CHN1: variants seen among roughly 807,000 people sequenced by gnomAD.
The protein encoded by CHN1 is chimerin 1.
In CHN1, 37 loss-of-function variants were observed where a neutral mutation model predicts 59.5. The ratio of observed to expected loss-of-function variants is 0.62; its 90% confidence interval spans 0.48 to 0.82. The LOEUF (loss-of-function observed/expected upper bound fraction) is 0.82. Ranked by LOEUF, CHN1 falls within the 40% of genes least tolerant of loss-of-function variation. The pLI is 0.00. For synonymous variants in CHN1, 206 were observed against 200.4 expected, an observed-to-expected ratio of 1.03 and a Z score of -0.24; for missense variants, 469 against 571.0, an observed-to-expected ratio of 0.82 and a Z score of 1.82.
intron 8 of CHN1, among the ~76,000 whole-genome samples, chr2:174,821,484 C>A (rs901781404): frequency 1.3e-5 from 2 of 152,070 alleles, no homozygotes; most frequent in African/African-American, 4.8e-5. Flanking sequence ...TGAAAGTGTC[C>A]CCTCAAAAAT....
At chr2:174,941,515 T>G (rs1280401423) in intron 3 of CHN1, among the ~76,000 whole-genome samples, 1 of 152,216 alleles carries the variant, frequency 6.6e-6, no homozygotes, top group East Asian at 1.9e-4. Context: ...CCTAATCCAG[T>G]AAAATTATTT....
At chr2:174,860,656 TAATA>T (rs1412830972) in intron 6 of CHN1, among the ~76,000 whole-genome samples, 7 of 152,216 alleles carry the variant, frequency 4.6e-5, no homozygotes, top group Admixed American at 6.5e-5. Flanking sequence ...AATACATATT[TAATA>T]AATAAATTGT....
chr2:174,964,343 A>T (rs1453618751), intron 1 of CHN1, among the ~76,000 whole-genome samples: 1 of 152,216 alleles, frequency 6.6e-6, no homozygotes, highest in Non-Finnish European at 1.5e-5. Flanking sequence ...TCTCTCCTAG[A>T]ACCAGGAGGA....
intron 3 of CHN1, among the ~76,000 whole-genome samples, chr2:174,921,972 T>A (rs2105377206): frequency 6.6e-6 from 1 of 152,320 alleles, no homozygotes; most frequent in African/African-American, 2.4e-5. Flanking sequence ...ATGAATCTTC[T>A]GTTATCTGTG....
At position 174,799,746 on chromosome 2, in the gene CHN1, C is replaced by T. The variant is rs899675489; in HGVS notation, c.*370G>A. The T allele has an allele frequency of 1.9e-6, 1 of 537,862 alleles. No homozygotes were observed. The highest frequency in any genetic ancestry group is 1.5e-5 in the South Asian group (1 of 65,204). The allele number at this position is 537,862 out of a possible 1,614,324, so 33.3% of individuals were successfully genotyped here. A position where few individuals can be genotyped will look rare whatever the true frequency, so the allele number is the denominator to read the frequency against. On this transcript the variant is annotated 3_prime_UTR_variant, in exon 13 of 13. Coordinates refer to ENST00000409900, the MANE Select transcript of CHN1 (RefSeq NM_001822.7). ...GACATAGACCCCAAAAGCAAAGTCACAACAGGCTTACTCTGTGAAACATGC... is the reference window on the plus strand; with the variant it reads ...GACATAGACCCCAAAAGCAAAGTCATAACAGGCTTACTCTGTGAAACATGC...
At chr2:174,916,377 A>T (rs1399876693) in intron 4 of CHN1, among the ~76,000 whole-genome samples, 1 of 152,062 alleles carries the variant, frequency 6.6e-6, no homozygotes, top group Non-Finnish European at 1.5e-5. Context: ...CTCTCCTGTT[A>T]ATCTGCCTAT....
Position 175,005,133 on chromosome 2 carries a change from G to C in CHN1, c.-221C>G. The C allele has an allele frequency of 7.7e-7, 1 of 1,305,882 alleles. No homozygotes were observed. The highest frequency in any genetic ancestry group is 1.8e-5 in the South Asian group (1 of 55,184). 80.9% of individuals were successfully genotyped at this position (1,305,882 alleles called of 1,614,324 possible). A position where few individuals can be genotyped will look rare whatever the true frequency, so the allele number is the denominator to read the frequency against. ...TTGTCGGGCGCACCGGGCCCAGGGA[G>C]CCCCGCTAGCTCTCCGCGAGCCGGC... On this transcript the variant is annotated 5_prime_UTR_variant, in exon 1 of 13. Transcript: ENST00000409900.
chr2:174,948,698 AATC>A (rs1424194032), intron 2 of CHN1, among the ~76,000 whole-genome samples: 3 of 152,198 alleles, frequency 2.0e-5, no homozygotes, highest in Non-Finnish European at 4.4e-5. Context: ...CATTAAATTA[AATC>A]ATCTTGTTTA....
At chr2:174,976,969 G>A (rs1454039312) in intron 1 of CHN1, among the ~76,000 whole-genome samples, 1 of 152,174 alleles carries the variant, frequency 6.6e-6, no homozygotes, top group Non-Finnish European at 1.5e-5. Context: ...CCAGCATCTT[G>A]CTGCAATAAA....
intron 1 of CHN1, among the ~76,000 whole-genome samples, chr2:174,978,637 T>C (rs1251757937): frequency 2.6e-5 from 4 of 152,232 alleles, no homozygotes; most frequent in African/African-American, 9.6e-5. Flanking sequence ...CAAATGCATC[T>C]CTAATCAATT....
chr2:174,846,384 A>G (rs1443545180), intron 7 of CHN1: 8 of 1,547,056 alleles, frequency 5.2e-6, no homozygotes, highest in Non-Finnish European at 7.0e-6. Context: ...GTCCCATGGT[A>G]GCCATCCTCC....
At chr2:174,878,656 C>A (rs1687646096) in intron 5 of CHN1, among the ~76,000 whole-genome samples, 1 of 152,242 alleles carries the variant, frequency 6.6e-6, no homozygotes, top group Non-Finnish European at 1.5e-5. Context: ...CTGAGCCATG[C>A]AGGGCAGGAT....
At chr2:174,967,151 C>T (rs539304399) in intron 1 of CHN1, among the ~76,000 whole-genome samples, 1 of 152,114 alleles carries the variant, frequency 6.6e-6, no homozygotes, top group East Asian at 1.9e-4. Flanking sequence ...CAAGACCAGC[C>T]TGGGCAATGT....
chr2:174,859,536 C>T (rs1170826863), intron 6 of CHN1, among the ~76,000 whole-genome samples: 5 of 152,158 alleles, frequency 3.3e-5, no homozygotes, highest in African/African-American at 1.2e-4. Flanking sequence ...AAAAAGAAAT[C>T]CAGGCACACT....
At position 174,955,634 on chromosome 2, in the gene CHN1, A is replaced by C. The variant is rs188098492; in HGVS notation, c.20-3432T>G. ...CACCTAAAAATCTATAGAAATAAAT[A>C]AATAAATTGAAAAACAAACAAATGA... On this transcript the variant is annotated intron_variant, in intron 1 of 12. Coordinates refer to ENST00000409900, the MANE Select transcript of CHN1 (RefSeq NM_001822.7). Among the ~76,000 whole-genome samples, 16 of 152,280 alleles carry C rather than the reference A, an allele frequency of 1.1e-4. No individual in the cohort carries two copies. In the East Asian group the frequency reaches 2.9e-3, roughly 28 times the overall value.
chr2:174,844,816 C>G (rs765783717), intron 7 of CHN1, among the ~76,000 whole-genome samples: 23 of 152,110 alleles, frequency 1.5e-4, no homozygotes, highest in Admixed American at 4.6e-4. Flanking sequence ...AGATTTCTGA[C>G]CTTATTAGCA....
In CHN1 at chr2:174,959,525, C is replaced by A. The variant is rs147560517; in HGVS notation, c.20-7323G>T. The stretch of plus-strand genomic sequence containing the variant: ...AGGCAGGAGGACCAATTTTCCAGGA[C>A]GCTAAATCTTCCTGAAAAGGAAGAA... On this transcript the variant is annotated intron_variant, in intron 1 of 12. Coordinates refer to ENST00000409900, the MANE Select transcript of CHN1 (RefSeq NM_001822.7). 7.0e-3 allele frequency among the ~76,000 whole-genome samples: 1,071 copies of A among 152,242 alleles called. 12 individuals are homozygous for A. Among genetic ancestry groups the A allele is most frequent in the African/African-American group, 0.024 (1,001 of 41,530 alleles).
chr2:174,935,832 C>A, intron 3 of CHN1, among the ~76,000 whole-genome samples: 1 of 152,046 alleles, frequency 6.6e-6, no homozygotes, highest in East Asian at 1.9e-4. Flanking sequence ...ACTCAGGAGG[C>A]TGAGGTAGAA....
At chr2:174,987,701 T>C (rs1407598913) in intron 1 of CHN1, among the ~76,000 whole-genome samples, 1 of 152,226 alleles carries the variant, frequency 6.6e-6, no homozygotes, top group African/African-American at 2.4e-5. Context: ...CCTAAAGTGC[T>C]GGGATTATAA....
Sources: allele counts gnomAD v4.1 joint callset (sites outside exome capture counted in the v4.1 genomes callset), GRCh38; gene constraint gnomAD v4.1.1; transcripts MANE v1.5; gene names NCBI Gene and HGNC (gene_info 2026-07-23, HGNC 2026-07-21).